CDC42BPA: variants seen among roughly 807,000 people sequenced by gnomAD.
CDC42BPA encodes serine/threonine-protein kinase MRCK alpha.
Under a neutral mutation model 223.5 loss-of-function variants are expected in CDC42BPA, and 80 were observed. That is an observed-to-expected ratio of 0.36 (90% CI 0.30 to 0.43). The LOEUF (loss-of-function observed/expected upper bound fraction) is 0.43. Ranked by LOEUF, CDC42BPA falls within the 20% of genes least tolerant of loss-of-function variation. The pLI, the probability that CDC42BPA is intolerant of heterozygous loss-of-function variation, is 1.00. For synonymous variants in CDC42BPA, 694 were observed against 718.6 expected (o/e 0.97, Z 0.55); for missense variants, 1,743 against 2,099.9 (o/e 0.83, Z 3.32).
intron 1 of CDC42BPA, among the ~76,000 whole-genome samples, chr1:227,298,167 A>G (rs1466209187): frequency 2.0e-5 from 3 of 151,776 alleles, no homozygotes; most frequent in Admixed American, 1.3e-4. Flanking sequence ...CATTTTCCAG[A>G]ATACCTCCCT....
Position 227,073,893 on chromosome 1 carries a change from T to G in CDC42BPA, c.2706A>C (p.Lys902Asn). 6.2e-7 allele frequency: 1 copy of G among 1,605,538 alleles called. No individual in the cohort carries two copies. Among genetic ancestry groups the G allele is most frequent in the Non-Finnish European group, 8.5e-7 (1 of 1,177,512 alleles). Residue 902 changes from lysine to asparagine, a missense_variant, in exon 19 of 37, where the codon AAA (lysine) becomes AAC (asparagine). Transcript: ENST00000366766. ...CTGTTATGATATTAGATGCTTTAACTTTATTCAACTCTTCTTGGATGGCCT... is the reference window on the plus strand; with the variant it reads ...CTGTTATGATATTAGATGCTTTAACGTTATTCAACTCTTCTTGGATGGCCT... The part of the protein sequence containing the change: ...AKQAIQEELN[K>N]VKASNIITEC...
At chr1:227,129,589 C>T (rs1410307219) in intron 10 of CDC42BPA, among the ~76,000 whole-genome samples, 2 of 143,834 alleles carry the variant, frequency 1.4e-5, no homozygotes, top group Non-Finnish European at 1.5e-5. Flanking sequence ...ATTGCTTGAG[C>T]CCCGGAGGTT....
At chr1:227,150,041 T>C (rs1462366084) in intron 6 of CDC42BPA, among the ~76,000 whole-genome samples, 1 of 151,750 alleles carries the variant, frequency 6.6e-6, no homozygotes, top group Non-Finnish European at 1.5e-5. Flanking sequence ...CTGGGCAACA[T>C]CGTGAAACCA....
intron 5 of CDC42BPA, among the ~76,000 whole-genome samples, chr1:227,178,114 A>G (rs1667278357): frequency 6.6e-6 from 1 of 152,160 alleles, no homozygotes. Context: ...TCTTTGTCCA[A>G]TAATTCTCAT....
At chr1:227,012,815 C>T (rs979910806) in intron 34 of CDC42BPA, among the ~76,000 whole-genome samples, 1 of 151,998 alleles carries the variant, frequency 6.6e-6, no homozygotes, top group Non-Finnish European at 1.5e-5. Context: ...TCAATAGATA[C>T]ATACACAAGT....
intron 3 of CDC42BPA, among the ~76,000 whole-genome samples, chr1:227,205,408 T>C (rs1161958072): frequency 2.0e-5 from 3 of 151,654 alleles, no homozygotes; most frequent in African/African-American, 7.3e-5. Context: ...ACAATACATA[T>C]TTTAGTGAAA....
intron 2 of CDC42BPA, among the ~76,000 whole-genome samples, chr1:227,237,332 T>A (rs1397566855): frequency 1.3e-5 from 2 of 152,170 alleles, no homozygotes; most frequent in East Asian, 3.8e-4. Flanking sequence ...GGCTCCCACT[T>A]ATAAGTGTCA....
At chr1:227,268,641 A>G (rs1229725195) in intron 1 of CDC42BPA, among the ~76,000 whole-genome samples, 1 of 133,846 alleles carries the variant, frequency 7.5e-6, no homozygotes, top group Non-Finnish European at 1.5e-5. Flanking sequence ...GTGTATATAT[A>G]TAGTGTGTGT....
intron 2 of CDC42BPA, among the ~76,000 whole-genome samples, chr1:227,216,769 A>G (rs907806611): frequency 1.3e-5 from 2 of 152,218 alleles, no homozygotes; most frequent in East Asian, 1.9e-4. Flanking sequence ...ATCAAAATTA[A>G]AAGTACATTT....
chr1:227,031,659 T>C, intron 27 of CDC42BPA, 145 bp from the exon 28 acceptor site: 1 of 647,938 alleles, frequency 1.5e-6, no homozygotes, highest in East Asian at 2.7e-5. Context: ...CTATTCCTAA[T>C]CAGAATAACT....
chr1:227,058,018 C>A (rs1363983499), intron 21 of CDC42BPA, among the ~76,000 whole-genome samples: 2 of 152,100 alleles, frequency 1.3e-5, no homozygotes, highest in African/African-American at 4.8e-5. Context: ...TATAACTGGG[C>A]ACACAACATA....
At chr1:227,153,134 A>G (rs1277821537) in intron 6 of CDC42BPA, among the ~76,000 whole-genome samples, 1 of 152,030 alleles carries the variant, frequency 6.6e-6, no homozygotes, top group Non-Finnish European at 1.5e-5. Context: ...AAAAACGAAT[A>G]AATAGATCAG....
chr1:227,028,980 G>T lies in CDC42BPA; in HGVS notation c.4109C>A (p.Thr1370Asn), dbSNP rs765353057. The T allele has an allele frequency of 2.0e-5, 33 of 1,613,926 alleles. No homozygotes were observed. The highest frequency in any genetic ancestry group is 2.6e-5 in the Non-Finnish European group (31 of 1,180,026). ...AATTTCTTTAAATTTTCTGTGACGGGTCTTGCTCTGAAATAGTTCATAACA... is the reference window on the plus strand; with the variant it reads ...AATTTCTTTAAATTTTCTGTGACGGTTCTTGCTCTGAAATAGTTCATAACA... Reference protein sequence around the residue: ...VLCYELFQSKTRHRKFKEIQV... With the variant: ...VLCYELFQSKNRHRKFKEIQV... Residue 1370 changes from threonine to asparagine, a missense_variant, in exon 30 of 37, where the codon ACC (threonine) becomes AAC (asparagine). Thr to Asn is a moderately conservative substitution (Grantham distance 65). Coordinates refer to ENST00000366766, the MANE Select transcript of CDC42BPA (RefSeq NM_001394014.1).
intron 6 of CDC42BPA, among the ~76,000 whole-genome samples, chr1:227,159,271 G>A (rs1663404908): frequency 6.6e-6 from 1 of 152,144 alleles, no homozygotes; most frequent in African/African-American, 2.4e-5. Context: ...CAGATAACCT[G>A]AGGTCAGGAG....
intron 21 of CDC42BPA, among the ~76,000 whole-genome samples, chr1:227,064,961 G>A (rs1175599537): frequency 1.3e-5 from 2 of 152,018 alleles, no homozygotes; most frequent in South Asian, 4.1e-4. Flanking sequence ...GCCGGGCGTG[G>A]TGGTGGGCAC....
At chr1:227,075,428 G>A (rs1179536606) in intron 17 of CDC42BPA, among the ~76,000 whole-genome samples, 1 of 152,154 alleles carries the variant, frequency 6.6e-6, no homozygotes, top group Non-Finnish European at 1.5e-5. Flanking sequence ...CCCTTTAAAA[G>A]AGGCTTGTTG....
intron 15 of CDC42BPA, among the ~76,000 whole-genome samples, chr1:227,097,804 C>A (rs1474700942): frequency 6.6e-6 from 1 of 152,198 alleles, no homozygotes; most frequent in Non-Finnish European, 1.5e-5. Flanking sequence ...CATGCAGCCC[C>A]TCCCAAGTGC....
intron 17 of CDC42BPA, among the ~76,000 whole-genome samples, chr1:227,076,513 T>G (rs1359346695): frequency 6.6e-6 from 1 of 152,136 alleles, no homozygotes; most frequent in African/African-American, 2.4e-5. Flanking sequence ...CGCCTCAGCC[T>G]CCCAAAGTGC....
intron 28 of CDC42BPA, 135 bp downstream of exon 28, chr1:227,031,163 A>G (rs2148663636): frequency 4.5e-6 from 3 of 669,624 alleles, no homozygotes; most frequent in Non-Finnish European, 2.6e-6. Context: ...TTCATTCAGT[A>G]AACATGTACT....
Sources: gnomAD v4.1 joint callset for allele counts (sites outside exome capture counted in the v4.1 genomes callset) on GRCh38, gnomAD v4.1.1 for gene constraint, MANE v1.5 for transcripts, NCBI Gene and HGNC (gene_info 2026-07-23, HGNC 2026-07-21) for gene names.